CTNS: variants seen among roughly 807,000 people sequenced by gnomAD.
The protein encoded by CTNS is cystinosin, lysosomal cystine transporter.
Under a neutral mutation model 43.7 loss-of-function variants are expected in CTNS, and 27 were observed. The ratio of observed to expected loss-of-function variants is 0.62; its 90% CI spans 0.46 to 0.85. The LOEUF (loss-of-function observed/expected upper bound fraction) is 0.85. Ranked by LOEUF, CTNS falls within the 40% of genes least tolerant of loss-of-function variation. The pLI is 0.00. For missense variants in CTNS, 457 were observed against 475.4 expected (o/e 0.96, Z 0.36); for synonymous variants, 187 against 190.6 (o/e 0.98, Z 0.16).
intron 3 of CTNS, among the ~76,000 whole-genome samples, chr17:3,642,825 T>C (rs1222022759): frequency 6.6e-6 from 1 of 152,196 alleles, no homozygotes; most frequent in African/African-American, 2.4e-5. Context: ...ACAGATGAGA[T>C]GATTGGCCTT....
rs139025469 is a variant in CTNS at position 3,642,064 on chromosome 17, C to CGTGT, written c.61+1813_61+1816dup. On this transcript the variant is annotated intron_variant, in intron 3 of 11. Transcript: ENST00000046640. ...GCCTGTGTGTGTGTGTGTACCCGGGCGTGTGTGTGTGTGTGTGTGCCTGGG... is the reference window on the plus strand; with the variant it reads ...GCCTGTGTGTGTGTGTGTACCCGGGCGTGTGTGTGTGTGTGTGTGTGTGCCTGGG... 5.5e-3 allele frequency among the ~76,000 whole-genome samples: 768 copies of CGTGT among 139,744 alleles called. 12 individuals are homozygous for CGTGT. The highest frequency in any genetic ancestry group is 7.2e-3 in the African/African-American group (268 of 37,436). The allele number at this position is 139,744 out of a possible 152,430, so 91.7% of individuals were successfully genotyped here. A position where few individuals can be genotyped will look rare whatever the true frequency, so the allele number is the denominator to read the frequency against.
chr17:3,660,292 A>ATCGTCTTCGACG lies in CTNS; in HGVS notation c.1036_1047dup (p.Asp346_Phe349dup), dbSNP rs771552404. 1 of 1,614,246 alleles carries ATCGTCTTCGACG rather than the reference A, an allele frequency of 6.2e-7. No homozygotes were observed. Among genetic ancestry groups the ATCGTCTTCGACG allele is most frequent in the Admixed American group, 1.7e-5 (1 of 60,032 alleles). Reference sequence around the variant, plus strand: ...CAAGTTTGGACTCGGGGTCTTCTCCATCGTCTTCGACGTCGTCTTCTTCAT... The same window carrying ATCGTCTTCGACG: ...CAAGTTTGGACTCGGGGTCTTCTCCATCGTCTTCGACGTCGTCTTCGACGTCGTCTTCTTCAT... On this transcript the variant is annotated inframe_insertion, in exon 12 of 12. Coordinates refer to ENST00000046640, the MANE Select transcript of CTNS (RefSeq NM_004937.3).
chr17:3,639,506 A>G (rs2075627680), intron 2 of CTNS, among the ~76,000 whole-genome samples: 2 of 151,928 alleles, frequency 1.3e-5, no homozygotes, highest in Non-Finnish European at 2.9e-5. Context: ...CATCTCTACT[A>G]AAAATACAAA....
At chr17:3,650,938 G>A (rs1567705037) in intron 5 of CTNS, among the ~76,000 whole-genome samples, 1 of 152,018 alleles carries the variant, frequency 6.6e-6, no homozygotes, top group African/African-American at 2.4e-5. Flanking sequence ...AAGTAGCTGG[G>A]ATTATAGGCG....
At chr17:3,652,854 G>C (rs1298924248) in intron 5 of CTNS, among the ~76,000 whole-genome samples, 2 of 152,142 alleles carry the variant, frequency 1.3e-5, no homozygotes, top group Admixed American at 1.3e-4. Flanking sequence ...TGTGAGACGT[G>C]GACGTAAGTT....
intron 5 of CTNS, among the ~76,000 whole-genome samples, chr17:3,649,455 A>G (rs545569121): frequency 4.9e-5 from 7 of 142,182 alleles, no homozygotes; most frequent in African/African-American, 1.7e-4. Context: ...CCTTCTCAAA[A>G]AAAAAAAAAA....
chr17:3,641,374 ATATATATATATT>A (rs1368222834), intron 3 of CTNS, among the ~76,000 whole-genome samples: 1 of 37,420 alleles, frequency 2.7e-5, no homozygotes, highest in East Asian at 6.9e-4. Context: ...ATATATATAT[ATATATATATATT>A]TTTTTTTTTT....
intron 3 of CTNS, among the ~76,000 whole-genome samples, chr17:3,640,562 A>C (rs930813517): frequency 6.6e-6 from 1 of 152,222 alleles, no homozygotes; most frequent in Non-Finnish European, 1.5e-5. Context: ...GCTGATTCTC[A>C]AAGTCAAACG....
At chr17:3,642,120 C>T (rs1210627580) in intron 3 of CTNS, among the ~76,000 whole-genome samples, 2 of 123,694 alleles carry the variant, frequency 1.6e-5, no homozygotes, top group Non-Finnish European at 3.4e-5. Context: ...TGTGTGTCTG[C>T]GTGCATGTAT....
intron 9 of CTNS, chr17:3,657,653 A>G (rs1429133047): frequency 8.0e-6 from 3 of 373,454 alleles, no homozygotes; most frequent in Admixed American, 4.0e-5. Context: ...CCAGGCCACC[A>G]GAGTTCCGAC....
Position 3,661,187 on chromosome 17 carries a change from T to C in CTNS, c.*818T>C. On this transcript the variant is annotated 3_prime_UTR_variant, in exon 12 of 12. Transcript: ENST00000046640. ...ATAGCTCTCTCCTGCTACCAGTCTG[T>C]GCCTTAGAGGTCTGTTAGGCCTGCC... 1 of 247,324 alleles carries C rather than the reference T, an allele frequency of 4.0e-6. No individual in the cohort carries two copies. The highest frequency in any genetic ancestry group is 8.1e-6 in the Non-Finnish European group (1 of 124,054). 15.3% of individuals were successfully genotyped at this position (247,324 alleles called of 1,614,324 possible).
intron 2 of CTNS, among the ~76,000 whole-genome samples, chr17:3,639,115 C>T (rs1255479770): frequency 6.6e-6 from 1 of 152,084 alleles, no homozygotes; most frequent in Non-Finnish European, 1.5e-5. Context: ...AGGGATGTCT[C>T]CACACAGACC....
At chr17:3,641,446 C>T (rs1298717390) in intron 3 of CTNS, among the ~76,000 whole-genome samples, 1 of 118,840 alleles carries the variant, frequency 8.4e-6, no homozygotes, top group Admixed American at 1.1e-4. Flanking sequence ...GGCTGGTGTG[C>T]AGTGGCACGA....
intron 3 of CTNS, among the ~76,000 whole-genome samples, chr17:3,644,613 T>C (rs1395789133): frequency 1.3e-5 from 2 of 152,096 alleles, no homozygotes; most frequent in Non-Finnish European, 2.9e-5. Context: ...TACAGGCGCC[T>C]GCCATCACGC....
rs767558679 is a variant in CTNS at position 3,659,884 on chromosome 17, C to T, written c.879C>T (p.Ser293=). Residue 293 remains serine, a synonymous_variant, in exon 11 of 12, where the codon AGC becomes AGT. Coordinates refer to ENST00000046640, the MANE Select transcript of CTNS (RefSeq NM_004937.3). ...PQAYMNFYYK[S]TEGWSIGNVL... Reference sequence around the variant, plus strand: ...CCTACATGAACTTTTACTACAAAAGCACTGAGGGCTGGAGCATTGGCAACG... The same window carrying T: ...CCTACATGAACTTTTACTACAAAAGTACTGAGGGCTGGAGCATTGGCAACG... 2.5e-6 allele frequency: 4 copies of T among 1,613,846 alleles called. No individual in the cohort carries two copies. Among genetic ancestry groups the T allele is most frequent in the Non-Finnish European group, 8.5e-7 (1 of 1,179,974 alleles).
rs776712980 is a variant in CTNS, at chr17:3,656,660, C to T, written c.562-16C>T. The T allele has an allele frequency of 1.1e-4, 179 of 1,613,012 alleles. No homozygotes were observed. Among genetic ancestry groups the T allele is most frequent in the Non-Finnish European group, 1.4e-4 (164 of 1,179,906 alleles). Reference sequence around the variant, plus strand: ...GGCTGCCCCTCACCACCCAGCTTCTCCCACCCACCAAACAGGAGCAGTTTC... The same window carrying T: ...GGCTGCCCCTCACCACCCAGCTTCTTCCACCCACCAAACAGGAGCAGTTTC... On this transcript the variant is annotated splice_polypyrimidine_tract_variant and intron_variant, in intron 8 of 11. Coordinates refer to ENST00000046640, the MANE Select transcript of CTNS (RefSeq NM_004937.3).
Position 3,659,797 on chromosome 17 carries a change from G to A in CTNS, c.853-61G>A, listed in dbSNP as rs72835823. 1,399 of 1,232,638 alleles carry A rather than the reference G, an allele frequency of 1.1e-3. 2 individuals are homozygous for A. Among genetic ancestry groups the A allele is most frequent in the Non-Finnish European group, 1.5e-3 (1,264 of 833,470 alleles). 76.4% of individuals were successfully genotyped at this position (1,232,638 alleles called of 1,614,324 possible). ...TTGTTTGGAGGGGCAGTCACGAGGC[G>A]CATGAGGCAGCCGCCCAGCCCTCAC... On this transcript the variant is annotated intron_variant, in intron 10 of 11. Transcript: ENST00000046640.
intron 3 of CTNS, among the ~76,000 whole-genome samples, chr17:3,646,080 C>T (rs973776568): frequency 3.9e-5 from 6 of 151,968 alleles, no homozygotes; most frequent in African/African-American, 7.3e-5. Context: ...CTTCCCCGCC[C>T]GGCCTAGAGT....
intron 3 of CTNS, 80 bp downstream of exon 3, chr17:3,640,347 C>T: frequency 7.0e-7 from 1 of 1,437,154 alleles, no homozygotes; most frequent in Non-Finnish European, 9.8e-7. Flanking sequence ...CTGTTTGTTG[C>T]CAAGGGTTTA....
Sources: allele counts gnomAD v4.1 joint callset (sites outside exome capture counted in the v4.1 genomes callset), GRCh38; gene constraint gnomAD v4.1.1; transcripts MANE v1.5; gene names NCBI Gene and HGNC (gene_info 2026-07-23, HGNC 2026-07-21).